GPN3: variants seen among roughly 807,000 people sequenced by gnomAD.
The protein encoded by GPN3 is ATP-binding domain 1 family member C.
In GPN3, 31 loss-of-function variants were observed where a neutral mutation model predicts 38.7. The ratio of observed to expected loss-of-function variants is 0.80; its 90% CI spans 0.60 to 1.08. GPN3 has a LOEUF of 1.08. GPN3 is among the 50% of genes least tolerant of loss of function. The pLI is 0.00. For missense variants in GPN3, 301 were observed against 354.4 expected (o/e 0.85, Z 1.21); for synonymous variants, 116 against 120.2 (o/e 0.96, Z 0.23).
At chr12:110,465,253 T>C in intron 1 of GPN3, 39 bp from the exon 2 acceptor site, 1 of 1,106,374 alleles carries the variant, frequency 9.0e-7, no homozygotes, top group Non-Finnish European at 1.4e-6. Context: ...AAGCAACAGG[T>C]AGTGTAGTGC....
Position 110,458,072 on chromosome 12 carries a change from C to A in GPN3, c.326-438G>T, listed in dbSNP as rs550281398. ...AGGAGGCTGCAGTGAGCCAAGATCA[C>A]GCCACTGCACTCCAGCCTGGGCGAC... On this transcript the variant is annotated intron_variant, in intron 3 of 7. Coordinates refer to ENST00000228827, the MANE Select transcript of GPN3 (RefSeq NM_016301.4). This position sits in a 1 kb window ranked among gnomAD's most constrained non-coding sequence, Gnocchi z 4.4. 9.2e-5 allele frequency among the ~76,000 whole-genome samples: 14 copies of A among 152,038 alleles called. No individual in the cohort carries two copies. Among genetic ancestry groups the A allele is most frequent in the Non-Finnish European group, 2.1e-4 (14 of 68,002 alleles).
intron 3 of GPN3, among the ~76,000 whole-genome samples, chr12:110,459,088 A>G (rs1415445765): frequency 6.6e-6 from 1 of 152,162 alleles, no homozygotes; most frequent in African/African-American, 2.4e-5. Flanking sequence ...CTCAATGACA[A>G]CTGAATATTA....
rs571598225 is a variant in GPN3 at position 110,454,378 on chromosome 12, CT to C, written c.664-508del. Among the ~76,000 whole-genome samples, 81 of 147,154 alleles carry C rather than the reference CT, an allele frequency of 5.5e-4. 1 individual carries two copies. Among genetic ancestry groups the C allele is most frequent in the Middle Eastern group, 6.4e-3 (2 of 312 alleles). ...AGGAAAAAAACCCAAAAAACTTCAT[CT>C]TTTTTTTTCTTTTTTTTTTTTTTTG... is the stretch of plus-strand genomic sequence containing the variant. On this transcript the variant is annotated intron_variant, in intron 6 of 7. Coordinates refer to ENST00000228827, the MANE Select transcript of GPN3 (RefSeq NM_016301.4).
chr12:110,459,451 AG>A (rs766912582), intron 3 of GPN3, among the ~76,000 whole-genome samples: 3 of 152,146 alleles, frequency 2.0e-5, no homozygotes, highest in Non-Finnish European at 4.4e-5. Context: ...CATGTTAGCC[AG>A]GATGGTCTCG....
intron 1 of GPN3, among the ~76,000 whole-genome samples, chr12:110,467,282 G>T (rs1272316054): frequency 6.6e-6 from 1 of 152,024 alleles, no homozygotes; most frequent in Admixed American, 6.6e-5. Context: ...GAGCCACCAC[G>T]CCTGGCTATG....
chr12:110,457,735 C>A, intron 3 of GPN3, 101 bp from the exon 4 acceptor site: 3 of 810,906 alleles, frequency 3.7e-6, no homozygotes, highest in Admixed American at 3.0e-5. Flanking sequence ...AAAATAAAAG[C>A]CAACACATTT....
Position 110,452,812 on chromosome 12 carries a change from C to A in GPN3, c.*222G>T. On this transcript the variant is annotated 3_prime_UTR_variant, in exon 8 of 8. Coordinates refer to ENST00000228827, the MANE Select transcript of GPN3 (RefSeq NM_016301.4). ...GTGCATTCATTTCAATTTTGACTTA[C>A]AAAATCTAAAGTGATGCTGTTATAA... 2.2e-6 allele frequency: 1 copy of A among 451,522 alleles called. No individual in the cohort carries two copies. 28.0% of individuals were successfully genotyped at this position (451,522 alleles called of 1,614,324 possible). A position where few individuals can be genotyped will look rare whatever the true frequency, so the allele number is the denominator to read the frequency against.
intron 2 of GPN3, chr12:110,461,436 A>C: frequency 1.7e-6 from 1 of 580,340 alleles, no homozygotes. Flanking sequence ...ACAAAAACAA[A>C]CAAAAATAGA....
intron 2 of GPN3, among the ~76,000 whole-genome samples, chr12:110,463,038 G>T (rs933394842): frequency 2.0e-5 from 3 of 152,118 alleles, no homozygotes; most frequent in Non-Finnish European, 4.4e-5. Context: ...TTACAGGCGT[G>T]AGCCACCATG....
chr12:110,468,463 CT>C, upstream of GPN3: 1 of 1,537,102 alleles, frequency 6.5e-7, no homozygotes, highest in Non-Finnish European at 8.7e-7. Context: ...GCTGTCTAAG[CT>C]TGGATACCTG....
intron 1 of GPN3, among the ~76,000 whole-genome samples, chr12:110,467,769 C>A (rs1032117211): frequency 9.9e-5 from 15 of 152,202 alleles, no homozygotes; most frequent in Non-Finnish European, 2.1e-4. Flanking sequence ...CCACTTTACC[C>A]TCCTGGGAGC....
At chr12:110,459,998 C>T (rs969076311) in intron 2 of GPN3, 136 bp from the exon 3 acceptor site, 6 of 663,938 alleles carry the variant, frequency 9.0e-6, no homozygotes, top group African/African-American at 3.6e-5. Context: ...TGGCTTTTCC[C>T]TGTAGCAGTG....
Position 110,455,625 on chromosome 12 carries a change from G to C in GPN3, c.624C>G (p.Ser208Arg), listed in dbSNP as rs777945368. Reference sequence around the variant, plus strand: ...CTTTAGTCAGTTTCTTGAATTTTTTGCTTCTTAAGTCACTTGTAGAATCTT... The same window carrying C: ...CTTTAGTCAGTTTCTTGAATTTTTTCCTTCTTAAGTCACTTGTAGAATCTT... ...LLEDSTSDLR[S>R]KKFKKLTKAI... The change falls in exon 6 of 8, where the codon AGC becomes AGG. Residue 208 changes from serine (S) to arginine (R), a missense_variant. By Grantham distance (110) the Ser-to-Arg change is moderately radical (BLOSUM62 -1). Coordinates refer to ENST00000228827, the MANE Select transcript of GPN3 (RefSeq NM_016301.4). 2 of 1,460,954 alleles carry C rather than the reference G, an allele frequency of 1.4e-6. No individual in the cohort carries two copies. Among genetic ancestry groups the C allele is most frequent in the Non-Finnish European group, 1.9e-6 (2 of 1,043,882 alleles). 90.5% of individuals were successfully genotyped at this position (1,460,954 alleles called of 1,614,324 possible).
upstream of GPN3, chr12:110,468,692 G>A: frequency 1.3e-6 from 2 of 1,526,172 alleles, no homozygotes; most frequent in South Asian, 1.2e-5. Context: ...ACGTGCAAAC[G>A]CTCAGCGACC....
chr12:110,461,152 G>GCAT (rs1258763165), intron 2 of GPN3: 2 of 1,306,208 alleles, frequency 1.5e-6, no homozygotes, highest in East Asian at 4.6e-5. Context: ...TTGCCATGAA[G>GCAT]GAGATGGGAA....
At chr12:110,465,658 C>G (rs2062622332) in intron 1 of GPN3, among the ~76,000 whole-genome samples, 1 of 152,142 alleles carries the variant, frequency 6.6e-6, no homozygotes, top group Non-Finnish European at 1.5e-5. Flanking sequence ...GTTTGCCAAC[C>G]TAAGGGGAAG....
chr12:110,456,151 G>C (rs2062548040), intron 4 of GPN3, among the ~76,000 whole-genome samples: 1 of 152,162 alleles, frequency 6.6e-6, no homozygotes, highest in East Asian at 1.9e-4. Context: ...CCAACGTGGT[G>C]AAACCTTGTC....
intron 2 of GPN3, among the ~76,000 whole-genome samples, chr12:110,462,271 G>A (rs1255463225): frequency 6.6e-6 from 1 of 151,922 alleles, no homozygotes; most frequent in African/African-American, 2.4e-5. Flanking sequence ...CCTTCAATCT[G>A]CCTCCCCGCA....
chr12:110,460,377 C>G (rs1037736516), intron 2 of GPN3, among the ~76,000 whole-genome samples: 1 of 152,034 alleles, frequency 6.6e-6, no homozygotes, highest in South Asian at 2.1e-4. Flanking sequence ...ACATTATGAA[C>G]CATGTGAATA....
Sources: allele counts gnomAD v4.1 joint callset (sites outside exome capture counted in the v4.1 genomes callset), GRCh38; gene constraint gnomAD v4.1.1; non-coding constraint Gnocchi (gnomAD v3.1); transcripts MANE v1.5; gene names NCBI Gene and HGNC (gene_info 2026-07-23, HGNC 2026-07-21).